The following PLEKHS1 variants were observed in gnomAD, a reference collection of about 807,000 sequenced individuals.
PLEKHS1 encodes pleckstrin homology domain containing S1.
PLEKHS1 carries 55 observed loss-of-function variants against 51.0 expected under a neutral mutation model. The observed-to-expected ratio is 1.08, with a 90% CI of 0.87 to 1.35. The LOEUF is 1.35. Ranked by LOEUF, PLEKHS1 falls within the 40% of genes most tolerant of loss-of-function variation. The pLI, the probability that PLEKHS1 is intolerant of heterozygous loss-of-function variation, is 0.00. For missense variants in PLEKHS1, 398 were observed against 423.0 expected (o/e 0.94, Z 0.52); for synonymous variants, 153 against 144.8 (o/e 1.06, Z -0.41).
intron 2 of PLEKHS1, chr10:113,765,473 T>TA (rs2134512065): frequency 1.3e-6 from 1 of 764,542 alleles, no homozygotes; most frequent in African/African-American, 1.7e-5. Context: ...ACACATGTGT[T>TA]AATCGACACT....
At chr10:113,768,667 G>T (rs1415987175) in intron 5 of PLEKHS1, 148 bp from the exon 6 acceptor site, 2 of 550,132 alleles carry the variant, frequency 3.6e-6, no homozygotes, top group Non-Finnish European at 6.3e-6. Context: ...TGTGGAGGTG[G>T]CGAGGCCATT....
chr10:113,777,426 T>C, intron 11 of PLEKHS1, 167 bp downstream of exon 12: 2 of 1,608,882 alleles, frequency 1.2e-6, no homozygotes, highest in East Asian at 2.2e-5. Flanking sequence ...TTCAGGATTC[T>C]TTCATATCAA....
intron 8 of PLEKHS1, 115 bp downstream of exon 8, chr10:113,772,204 C>A: frequency 9.0e-7 from 1 of 1,117,046 alleles, no homozygotes. Flanking sequence ...AGAAGTAAAT[C>A]AAATACAGAT....
At chr10:113,767,677 C>G (rs541125069) in intron 5 of PLEKHS1, among the ~76,000 whole-genome samples, 198 bp downstream of exon 5, 1 of 152,174 alleles carries the variant, frequency 6.6e-6, no homozygotes, top group African/African-American at 2.4e-5. Context: ...TAACAAAGAA[C>G]CTCATCCTGG....
intron 11 of PLEKHS1, chr10:113,777,729 G>A: frequency 1.3e-6 from 2 of 1,485,970 alleles, no homozygotes; most frequent in South Asian, 2.7e-5. Flanking sequence ...TACTACAACT[G>A]ACCATGGAAT....
intron 1 of PLEKHS1, among the ~76,000 whole-genome samples, chr10:113,754,275 G>T (rs1853994515): frequency 6.6e-6 from 1 of 152,174 alleles, no homozygotes; most frequent in African/African-American, 2.4e-5. Context: ...ACTTGGGGCT[G>T]CTTGGGCACC....
At chr10:113,758,078 G>T (rs900375174) in intron 2 of PLEKHS1, among the ~76,000 whole-genome samples, 1 of 152,156 alleles carries the variant, frequency 6.6e-6, no homozygotes, top group African/African-American at 2.4e-5. Context: ...AGTCATCGAG[G>T]AGTATTGGAA....
At chr10:113,753,368 T>TC (rs1853939893) in intron 1 of PLEKHS1, among the ~76,000 whole-genome samples, 1 of 152,196 alleles carries the variant, frequency 6.6e-6, no homozygotes, top group Non-Finnish European at 1.5e-5. Context: ...TTTTAAATAT[T>TC]ATCCATGCAT....
chr10:113,770,017 C>G, intron 7 of PLEKHS1, 117 bp downstream of exon 7: 1 of 771,070 alleles, frequency 1.3e-6, no homozygotes, highest in Middle Eastern at 2.4e-4. Context: ...GCCCGATGCA[C>G]TATAAGAAAG....
At chr10:113,777,607 T>C (rs1402745714) in intron 11 of PLEKHS1, 1 of 1,544,840 alleles carries the variant, frequency 6.5e-7, no homozygotes, top group Non-Finnish European at 8.8e-7. Flanking sequence ...AAATTATGAC[T>C]AATGATGGTG....
At chr10:113,782,373 T>C (rs778997270) in exon 12 of PLEKHS1, 2 of 152,192 alleles carry the variant, frequency 1.3e-5, no homozygotes, top group Non-Finnish European at 2.9e-5. Context: ...TTCAAATACA[T>C]TTCATTTCCT....
chr10:113,780,774 G>C, exon 12 of PLEKHS1: 1 of 1,549,386 alleles, frequency 6.5e-7, no homozygotes. Flanking sequence ...AAAGGAGCCA[G>C]GGAGTAACGC....
At chr10:113,774,613 C>T (rs1158089855) in intron 9 of PLEKHS1, among the ~76,000 whole-genome samples, 1 of 152,150 alleles carries the variant, frequency 6.6e-6, no homozygotes, top group Non-Finnish European at 1.5e-5. Context: ...GTCCTCCAAA[C>T]ACTGTAAAGG....
At chr10:113,755,155 A>C in intron 1 of PLEKHS1, 104 bp from the exon 2 acceptor site, 2 of 1,294,960 alleles carry the variant, frequency 1.5e-6, no homozygotes, top group Non-Finnish European at 2.1e-6. Context: ...CCATCTCAGC[A>C]ACATTCGTGA....
At chr10:113,776,454 T>C (rs956460374) in intron 11 of PLEKHS1, among the ~76,000 whole-genome samples, 1 of 152,178 alleles carries the variant, frequency 6.6e-6, no homozygotes, top group Non-Finnish European at 1.5e-5. Context: ...AAGAAAACTC[T>C]TTAATGTAAA....
intron 5 of PLEKHS1, among the ~76,000 whole-genome samples, chr10:113,768,137 T>A (rs1012608685): frequency 6.6e-6 from 1 of 151,294 alleles, no homozygotes; most frequent in East Asian, 2.0e-4. Context: ...AAGAACCCAA[T>A]ACAAAAACAT....
In PLEKHS1 at chr10:113,767,481, T is replaced by C. The variant is rs778351350; in HGVS notation, c.359+2T>C. On this transcript the variant is annotated splice_donor_variant, in intron 5 of 11. Transcript: ENST00000361048. LOFTEE classifies it high-confidence loss of function. The stretch of plus-strand genomic sequence containing the variant: ...ATACTTCCTCATTGGCCACGACAGG[T>C]GAGAGAAGTAAGATAACACAGAATA... 1 of 1,602,828 alleles carries C rather than the reference T, an allele frequency of 6.2e-7. No homozygotes were observed. Among genetic ancestry groups the C allele is most frequent in the Admixed American group, 1.7e-5 (1 of 57,212 alleles).
At chr10:113,765,032 G>T (rs1204283979) in intron 2 of PLEKHS1, 1 of 204,290 alleles carries the variant, frequency 4.9e-6, no homozygotes, top group Non-Finnish European at 9.8e-6. Flanking sequence ...TAACATCTGT[G>T]TCAGTTCTAG....
intron 7 of PLEKHS1, among the ~76,000 whole-genome samples, 182 bp from the exon 8 acceptor site, chr10:113,771,788 T>A (rs940911616): frequency 1.3e-5 from 2 of 151,940 alleles, no homozygotes; most frequent in Admixed American, 1.3e-4. Flanking sequence ...TATGTTTTCA[T>A]CCTCAGTGGT....
Sources: gnomAD v4.1 joint callset for allele counts (sites outside exome capture counted in the v4.1 genomes callset) on GRCh38, gnomAD v4.1.1 for gene constraint, MANE v1.5 for transcripts, NCBI Gene and HGNC (gene_info 2026-07-23, HGNC 2026-07-21) for gene names.